The following CREBBP variants were observed in gnomAD, a reference collection of about 807,000 sequenced individuals.
CREBBP encodes CREB-binding protein.
In CREBBP, 19 loss-of-function variants were observed where a neutral mutation model predicts 265.0. The ratio of observed to expected loss-of-function variants is 0.07; its 90% CI spans 0.05 to 0.11. The LOEUF is 0.11. Ranked by LOEUF, CREBBP falls within the 10% of genes least tolerant of loss-of-function variation. CREBBP has a pLI of 1.00. For missense variants in CREBBP, 2,525 were observed against 3,219.0 expected (o/e 0.78, Z 5.22); for synonymous variants, 1,457 against 1,223.7 (o/e 1.19, Z -3.98).
chr16:3,730,291 C>T (rs2051879216), intron 30 of CREBBP, among the ~76,000 whole-genome samples: 1 of 152,192 alleles, frequency 6.6e-6, no homozygotes, highest in Non-Finnish European at 1.5e-5. Context: ...CAGCCCTTGC[C>T]ACAGCCTGTC....
intron 5 of CREBBP, among the ~76,000 whole-genome samples, chr16:3,790,641 C>A (rs753625169): frequency 6.6e-6 from 1 of 152,148 alleles, no homozygotes; most frequent in African/African-American, 2.4e-5. Context: ...TGAGCCATTG[C>A]GCCTGGCCAG....
At position 3,805,182 on chromosome 16, in the gene CREBBP, C is replaced by T. The variant is rs547074840; in HGVS notation, c.975+5421G>A. ...TGTTTTCTCAGTGATCTTCAAGATA[C>T]AGATGGAGTCAATAGATGTAAACTC... On this transcript the variant is annotated intron_variant, in intron 3 of 30. Coordinates refer to ENST00000262367, the MANE Select transcript of CREBBP (RefSeq NM_004380.3). Among the ~76,000 whole-genome samples the T allele has an allele frequency of 2.0e-5, 3 of 152,342 alleles. No individual in the cohort carries two copies. The East Asian group carries it at 5.8e-4, about 29-fold the overall frequency.
chr16:3,850,591 C>T lies in CREBBP; in HGVS notation c.504G>A (p.Thr168=), dbSNP rs373310969. 22 of 1,614,230 alleles carry T rather than the reference C, an allele frequency of 1.4e-5. No homozygotes were observed. Among genetic ancestry groups the T allele is most frequent in the South Asian group, 6.6e-5 (6 of 91,088 alleles). The change falls in exon 2 of 31, where the codon ACG becomes ACA. Residue 168 remains threonine, a synonymous_variant. Transcript: ENST00000262367. ...QVGLATSSPA[T]SQTGPGICMN... ...TGCAGATACCAGGTCCAGTCTGTGA[C>T]GTGGCAGGGCTGCTAGTCGCCAGCC...
intron 2 of CREBBP, among the ~76,000 whole-genome samples, chr16:3,824,643 C>T (rs2054204045): frequency 6.6e-6 from 1 of 151,880 alleles, no homozygotes; most frequent in Non-Finnish European, 1.5e-5. Flanking sequence ...TGGCCACTCC[C>T]ATCCCCACAC....
intron 3 of CREBBP, among the ~76,000 whole-genome samples, chr16:3,802,277 G>A (rs927707668): frequency 4.0e-5 from 6 of 151,354 alleles, no homozygotes; most frequent in Non-Finnish European, 8.8e-5. Flanking sequence ...ACTTACAGAC[G>A]TGTGCCACCA....
At chr16:3,741,260 A>G (rs129968) in intron 23 of CREBBP, 74,430 of 154,112 alleles carry the variant, frequency 0.48, 21,436 homozygotes, top group Non-Finnish European at 0.65. Flanking sequence ...ACAGGTTAAA[A>G]AACTATAAGG....
At position 3,850,983 on chromosome 16, in the gene CREBBP, T is replaced by A; in HGVS notation, c.112A>T (p.Asn38Tyr). Residue 38 changes from asparagine (N) to tyrosine (Y), a missense_variant, in exon 2 of 31, where the codon AAT (asparagine) becomes TAT (tyrosine). Asn to Tyr is a moderately radical substitution (Grantham distance 143). Coordinates refer to ENST00000262367, the MANE Select transcript of CREBBP (RefSeq NM_004380.3). The stretch of plus-strand genomic sequence containing the variant: ...GGTATCAGCTCATCAGGAAGATCAT[T>A]TTCCAAGTCAAACAATGATCCAAAA... ...TDFGSLFDLE[N>Y]DLPDELIPNG... 1 of 1,614,158 alleles carries A rather than the reference T, an allele frequency of 6.2e-7. No individual in the cohort carries two copies. Among genetic ancestry groups the A allele is most frequent in the Non-Finnish European group, 8.5e-7 (1 of 1,180,026 alleles).
chr16:3,766,275 T>C (rs910164827), intron 16 of CREBBP, among the ~76,000 whole-genome samples: 4 of 152,214 alleles, frequency 2.6e-5, no homozygotes, highest in South Asian at 2.1e-4. Context: ...AATTTTGGTA[T>C]AGTATCAAAG....
Position 3,740,346 on chromosome 16 carries a change from C to T in CREBBP, c.4133+53G>A, listed in dbSNP as rs2052172264. 2.5e-6 allele frequency: 4 copies of T among 1,607,722 alleles called. No homozygotes were observed. The African/African-American group carries it at 4.0e-5, about 16-fold the overall frequency. ...GAGCTTTGCAGAGAGCAGGCTCTGG[C>T]AAGCGGGCGTGGGGACTGCTCGCAG... On this transcript the variant is annotated intron_variant, in intron 24 of 30. Coordinates refer to ENST00000262367, the MANE Select transcript of CREBBP (RefSeq NM_004380.3).
At chr16:3,788,625 G>A (rs1450645594) in intron 5 of CREBBP, among the ~76,000 whole-genome samples, 1 of 152,198 alleles carries the variant, frequency 6.6e-6, no homozygotes, top group Non-Finnish European at 1.5e-5. Context: ...CGAGATCAGT[G>A]ATTACAGAAT....
intron 2 of CREBBP, among the ~76,000 whole-genome samples, chr16:3,849,433 GTGT>G (rs2054754859): frequency 1.8e-3 from 26 of 14,330 alleles, no homozygotes; most frequent in East Asian, 7.9e-3. Context: ...GTGTGTGTGT[GTGT>G]GTGTGTGTGT....
intron 2 of CREBBP, among the ~76,000 whole-genome samples, chr16:3,811,099 C>G (rs533429824): frequency 1.3e-5 from 2 of 152,244 alleles, no homozygotes; most frequent in South Asian, 4.1e-4. Flanking sequence ...CCTTCCAAAG[C>G]TGCTACCCAA....
chr16:3,816,656 T>C (rs1335893138), intron 2 of CREBBP, among the ~76,000 whole-genome samples: 1 of 152,180 alleles, frequency 6.6e-6, no homozygotes, highest in Non-Finnish European at 1.5e-5. Flanking sequence ...CCAGCAGACA[T>C]GGGTACCACG....
rs773950779 is a variant in CREBBP at position 3,726,546 on chromosome 16, C to T, written c.*1172G>A. ...GCAGCCCCAGCCTCTCCGCTATGAG[C>T]GAACAACCAGAACCATGTCTTACAA... On this transcript the variant is annotated 3_prime_UTR_variant, in exon 31 of 31. Transcript: ENST00000262367. 2.6e-5 allele frequency: 6 copies of T among 233,502 alleles called. No homozygotes were observed. Among genetic ancestry groups the T allele is most frequent in the Non-Finnish European group, 4.2e-5 (5 of 118,028 alleles). 14.5% of individuals were successfully genotyped at this position (233,502 alleles called of 1,614,324 possible).
intron 23 of CREBBP, chr16:3,743,379 A>G (rs552797332): frequency 6.6e-6 from 1 of 152,274 alleles, no homozygotes; most frequent in African/African-American, 2.4e-5. Flanking sequence ...AAGCTATTGC[A>G]TAACTTTGGA....
chr16:3,728,265 A>T lies in CREBBP; in HGVS notation c.6782T>A (p.Met2261Lys), dbSNP rs2151301515. 6.2e-7 allele frequency: 1 copy of T among 1,612,430 alleles called. No homozygotes were observed. Among genetic ancestry groups the T allele is most frequent in the Non-Finnish European group, 8.5e-7 (1 of 1,179,652 alleles). ...QQHLPLQGSS[M>K]GQMAAQMGQL... is the part of the protein sequence containing the mutation. ...TCCCATCTGAGCCGCCATCTGGCCC[A>T]TGGAGCTGCCCTGGAGGGGGAGATG... Residue 2261 changes from methionine (M) to lysine (K), a missense_variant, in exon 31 of 31, where the codon ATG becomes AAG. Physicochemically the swap from Met to Lys is moderately conservative, Grantham distance 95. Around this residue, in one of 19 missense-constraint regions of CREBBP, gnomAD observed 473 missense variants for 459.3 expected, o/e 1.03. Transcript: ENST00000262367. This position sits in a 1 kb window ranked among gnomAD's most constrained non-coding sequence, Gnocchi z 8.7.
intron 2 of CREBBP, among the ~76,000 whole-genome samples, chr16:3,840,242 T>C (rs1191068320): frequency 1.3e-5 from 2 of 152,186 alleles, no homozygotes; most frequent in African/African-American, 4.8e-5. Flanking sequence ...ACAGTATTAT[T>C]TCTCTTGCTA....
At chr16:3,818,308 T>C (rs533764765) in intron 2 of CREBBP, among the ~76,000 whole-genome samples, 223 of 141,104 alleles carry the variant, frequency 1.6e-3, no homozygotes, top group Middle Eastern at 3.6e-3. Context: ...CTTTTCTTTT[T>C]TTTTTTTTTT....
chr16:3,838,048 G>A (rs769239454), intron 2 of CREBBP, among the ~76,000 whole-genome samples: 11 of 152,246 alleles, frequency 7.2e-5, no homozygotes, highest in Non-Finnish European at 1.6e-4. Flanking sequence ...TGCCCAGGCT[G>A]TTCTCCAACT....
Sources: allele counts gnomAD v4.1 joint callset (sites outside exome capture counted in the v4.1 genomes callset), GRCh38; gene constraint gnomAD v4.1.1; regional missense constraint gnomAD v4.1.1; non-coding constraint Gnocchi (gnomAD v3.1); transcripts MANE v1.5; gene names NCBI Gene and HGNC (gene_info 2026-07-23, HGNC 2026-07-21).